Variants in HPSE2 observed in about 807,000 individuals in gnomAD.
HPSE2 encodes inactive heparanase-2.
Under a neutral mutation model 60.5 loss-of-function variants are expected in HPSE2, and 38 were observed. The ratio of observed to expected loss-of-function variants is 0.63; its 90% CI spans 0.48 to 0.82. HPSE2 has a LOEUF of 0.82. HPSE2 is among the 40% of genes least tolerant of loss of function. The probability of loss-of-function intolerance (pLI) is 0.00; values close to 1 mark genes in which losing one functional copy is unlikely to be tolerated. For missense variants in HPSE2, 713 were observed against 740.4 expected (o/e 0.96, Z 0.43); for synonymous variants, 295 against 293.2 (o/e 1.01, Z -0.06).
chr10:98,638,329 C>T (rs1946553360), intron 7 of HPSE2, among the ~76,000 whole-genome samples: 1 of 151,624 alleles, frequency 6.6e-6, no homozygotes, highest in South Asian at 2.1e-4. Flanking sequence ...CCTGTAGTCC[C>T]AGCTACTCGG....
chr10:98,581,970 CAT>C (rs1298845165), intron 9 of HPSE2, among the ~76,000 whole-genome samples: 4 of 136,714 alleles, frequency 2.9e-5, no homozygotes, highest in African/African-American at 1.0e-4. Flanking sequence ...CCTACACACA[CAT>C]GTTCCTTGTG....
At chr10:98,908,981 G>A (rs566385238) in intron 3 of HPSE2, among the ~76,000 whole-genome samples, 1 of 152,278 alleles carries the variant, frequency 6.6e-6, no homozygotes, top group Admixed American at 6.5e-5. Context: ...GAATGTGGGT[G>A]GGAATGGTAT....
chr10:99,149,702 T>A (rs1360423394), intron 2 of HPSE2, among the ~76,000 whole-genome samples: 1 of 152,200 alleles, frequency 6.6e-6, no homozygotes, highest in Non-Finnish European at 1.5e-5. Context: ...TTAGGTCATT[T>A]CAACACTTTT....
intron 2 of HPSE2, among the ~76,000 whole-genome samples, chr10:99,173,407 G>A (rs1216609903): frequency 6.6e-6 from 1 of 152,114 alleles, no homozygotes; most frequent in African/African-American, 2.4e-5. Context: ...ACCCAGGAAA[G>A]AGTCAAAAAT....
intron 3 of HPSE2, among the ~76,000 whole-genome samples, chr10:99,045,321 C>A (rs376800674): frequency 6.6e-6 from 1 of 152,072 alleles, no homozygotes; most frequent in South Asian, 2.1e-4. Context: ...AAATTAGGAA[C>A]AAAACATGCC....
chr10:98,467,374 A>C (rs1458084384), intron 11 of HPSE2, among the ~76,000 whole-genome samples: 2 of 152,230 alleles, frequency 1.3e-5, no homozygotes, highest in Non-Finnish European at 2.9e-5. Context: ...AAGACTCTGG[A>C]CAGGAAGGCC....
intron 3 of HPSE2, among the ~76,000 whole-genome samples, chr10:98,849,848 G>A (rs914476354): frequency 8.6e-5 from 13 of 151,930 alleles, no homozygotes; most frequent in Non-Finnish European, 1.6e-4. Context: ...AGGTTCAAGC[G>A]ATTCTCCTGC....
intron 3 of HPSE2, among the ~76,000 whole-genome samples, chr10:99,114,917 A>AG (rs1554891589): frequency 4.6e-5 from 7 of 150,930 alleles, no homozygotes; most frequent in South Asian, 2.1e-4. Context: ...AAAAAAAAAA[A>AG]AAGAAGAAGA....
At chr10:98,599,188 T>C (rs1024652122) in intron 9 of HPSE2, among the ~76,000 whole-genome samples, 1 of 152,048 alleles carries the variant, frequency 6.6e-6, no homozygotes, top group African/African-American at 2.4e-5. Flanking sequence ...TCTGTGTCCA[T>C]GGGTGTCAGC....
rs140139802 is a variant in HPSE2 at position 98,734,888 on chromosome 10, T to TACACACAC, written c.784+8987_784+8994dup. ...AAGAGTACCCATATAATTTGTCCCT[T>TACACACAC]ACACACACACACACACACACACAAA... On this transcript the variant is annotated intron_variant, in intron 4 of 11. Coordinates refer to ENST00000370552, the MANE Select transcript of HPSE2 (RefSeq NM_021828.5). 7.0e-3 allele frequency among the ~76,000 whole-genome samples: 1,031 copies of TACACACAC among 148,318 alleles called. 7 individuals are homozygous for TACACACAC. The highest frequency in any genetic ancestry group is 0.02 in the South Asian group (94 of 4,606).
intron 3 of HPSE2, among the ~76,000 whole-genome samples, chr10:98,974,340 T>C (rs1956033360): frequency 6.6e-6 from 1 of 151,968 alleles, no homozygotes; most frequent in Non-Finnish European, 1.5e-5. Flanking sequence ...TTTTTTTGTT[T>C]GTTTGTTTGT....
At chr10:98,726,732 T>C (rs920215002) in intron 4 of HPSE2, among the ~76,000 whole-genome samples, 5 of 151,840 alleles carry the variant, frequency 3.3e-5, no homozygotes, top group African/African-American at 9.6e-5. Flanking sequence ...ATCTCACACA[T>C]ACTCCCTGTA....
the HPSE2 span, among the ~76,000 whole-genome samples, chr10:99,257,963 G>A: frequency 9.2e-5 from 14 of 151,912 alleles, no homozygotes; most frequent in South Asian, 2.1e-4. Flanking sequence ...AGGTTCTCCC[G>A]ATACCTGTCT....
chr10:98,637,001 C>T (rs528890248), intron 7 of HPSE2, among the ~76,000 whole-genome samples: 1 of 152,240 alleles, frequency 6.6e-6, no homozygotes, highest in South Asian at 2.1e-4. Context: ...TCTGACTCTT[C>T]CCTGTATTTT....
intron 6 of HPSE2, among the ~76,000 whole-genome samples, chr10:98,664,419 G>A (rs1173666124): frequency 1.3e-5 from 2 of 152,082 alleles, no homozygotes; most frequent in African/African-American, 4.8e-5. Flanking sequence ...TAGCCTGTTT[G>A]CCAGCCAGGG....
At chr10:98,666,227 C>A (rs1301884996) in intron 6 of HPSE2, among the ~76,000 whole-genome samples, 1 of 151,910 alleles carries the variant, frequency 6.6e-6, no homozygotes, top group Non-Finnish European at 1.5e-5. Context: ...AACAAGAAGC[C>A]CTAACTATCC....
intron 6 of HPSE2, among the ~76,000 whole-genome samples, chr10:98,689,251 T>A (rs979502383): frequency 2.0e-5 from 3 of 152,218 alleles, no homozygotes; most frequent in African/African-American, 7.2e-5. Flanking sequence ...GTATTAGCAA[T>A]GAGGTCACTG....
the HPSE2 span, among the ~76,000 whole-genome samples, chr10:99,262,127 T>G: frequency 9.9e-5 from 15 of 152,166 alleles, no homozygotes; most frequent in Non-Finnish European, 1.8e-4. Context: ...ATAACTCTTA[T>G]AGTGGAGGGT....
chr10:98,985,981 G>C (rs1314465598), intron 3 of HPSE2, among the ~76,000 whole-genome samples: 1 of 152,150 alleles, frequency 6.6e-6, no homozygotes. Flanking sequence ...GGAGCACCCA[G>C]ATTCATAAAG....
Sources: gnomAD v4.1 joint callset for allele counts (sites outside exome capture counted in the v4.1 genomes callset) on GRCh38, gnomAD v4.1.1 for gene constraint, MANE v1.5 for transcripts, NCBI Gene and HGNC (gene_info 2026-07-23, HGNC 2026-07-21) for gene names.